Variants in NDUFS1 observed in about 807,000 individuals in gnomAD.
NDUFS1 encodes NADH:ubiquinone oxidoreductase core subunit S1.
In NDUFS1, 61 loss-of-function variants were observed where a neutral mutation model predicts 84.4. The observed-to-expected ratio is 0.72, with a 90% CI of 0.59 to 0.89. The LOEUF is 0.89. Ranked by LOEUF, NDUFS1 falls within the 40% of genes least tolerant of loss-of-function variation. The pLI, the probability that NDUFS1 is intolerant of heterozygous loss-of-function variation, is 0.00. For synonymous variants in NDUFS1, 275 were observed against 290.0 expected, an observed-to-expected ratio of 0.95 and a Z score of 0.53; for missense variants, 891 against 890.0, an observed-to-expected ratio of 1.00 and a Z score of -0.01.
rs1396152437 is a variant in NDUFS1 at position 206,117,165 on chromosome 2, G to C, written c.*7020C>G. The C allele has an allele frequency of 6.6e-6, 1 of 152,274 alleles. No homozygotes were observed. Among genetic ancestry groups the C allele is most frequent in the Non-Finnish European group, 1.5e-5 (1 of 68,102 alleles). 9.4% of individuals were successfully genotyped at this position (152,274 alleles called of 1,614,324 possible). ...ACTGTGATCATGCCACTGAACCCCA[G>C]CCTGGGTGACAGAGTTGCCTCAATC... On this transcript the variant is annotated 3_prime_UTR_variant, in exon 19 of 19. Transcript: ENST00000233190.
intron 2 of NDUFS1, among the ~76,000 whole-genome samples, chr2:206,153,135 A>T (rs950663218): frequency 1.3e-5 from 2 of 151,778 alleles, no homozygotes; most frequent in Non-Finnish European, 2.9e-5. Flanking sequence ...GATAATTCCT[A>T]TAAACTGTTT....
Position 206,115,813 on chromosome 2 carries a change from T to C in NDUFS1, c.*8372A>G. 2.4e-6 allele frequency: 1 copy of C among 418,114 alleles called. No individual in the cohort carries two copies. Among genetic ancestry groups the C allele is most frequent in the Non-Finnish European group, 4.5e-6 (1 of 223,056 alleles). The allele number at this position is 418,114 out of a possible 1,614,324, so 25.9% of individuals were successfully genotyped here. The stretch of plus-strand genomic sequence containing the variant: ...AGGCTTAAGAATAACAACATTATCT[T>C]TGAATTATGTAATTTTTGTAACTAA... On this transcript the variant is annotated 3_prime_UTR_variant, in exon 19 of 19. Coordinates refer to ENST00000233190, the MANE Select transcript of NDUFS1 (RefSeq NM_005006.7).
chr2:206,122,884 A>AC lies in NDUFS1; in HGVS notation c.*1300dup, dbSNP rs1691143969. The AC allele has an allele frequency of 6.6e-6, 1 of 151,906 alleles. No homozygotes were observed. The highest frequency in any genetic ancestry group is 2.1e-4 in the South Asian group (1 of 4,816). 9.4% of individuals were successfully genotyped at this position (151,906 alleles called of 1,614,324 possible). A position where few individuals can be genotyped will look rare whatever the true frequency, so the allele number is the denominator to read the frequency against. On this transcript the variant is annotated 3_prime_UTR_variant, in exon 19 of 19. Transcript: ENST00000233190. Reference sequence around the variant, plus strand: ...CGAGTAGCTGGGACTATAGGTGTACACCACCACACCCAGCTAATTTTTGTA... The same window carrying AC: ...CGAGTAGCTGGGACTATAGGTGTACACCCACCACACCCAGCTAATTTTTGTA...
chr2:206,143,920 A>G, intron 10 of NDUFS1, 98 bp downstream of exon 10: 1 of 985,420 alleles, frequency 1.0e-6, no homozygotes, highest in Non-Finnish European at 1.6e-6. Flanking sequence ...ATCTTGGTAA[A>G]AGTAAAAAAG....
intron 13 of NDUFS1, among the ~76,000 whole-genome samples, chr2:206,135,711 G>A (rs983279286): frequency 2.6e-5 from 4 of 151,808 alleles, no homozygotes; most frequent in African/African-American, 4.8e-5. Flanking sequence ...AAAAGGAAAC[G>A]TTCTCTCAAA....
At chr2:206,142,286 C>T (rs534354072) in intron 11 of NDUFS1, among the ~76,000 whole-genome samples, 1 of 152,296 alleles carries the variant, frequency 6.6e-6, no homozygotes, top group South Asian at 2.1e-4. Flanking sequence ...GATCCTGGCT[C>T]ACTGCAACCT....
At chr2:206,149,495 G>A (rs1431494635) in intron 4 of NDUFS1, among the ~76,000 whole-genome samples, 2 of 152,152 alleles carry the variant, frequency 1.3e-5, no homozygotes, top group Non-Finnish European at 2.9e-5. Context: ...AAATGGCAGG[G>A]CGTCAGCACT....
Position 206,152,363 on chromosome 2 carries a change from T to C in NDUFS1, c.153+56A>G, listed in dbSNP as rs1481825689. The stretch of plus-strand genomic sequence containing the variant: ...AATAATCAGTATAAAGGAAATAAAT[T>C]AGTATTTTTAAAAAAATCAGAACAC... On this transcript the variant is annotated intron_variant, in intron 3 of 18. Transcript: ENST00000233190. The C allele has an allele frequency of 5.5e-6, 7 of 1,275,778 alleles. No individual in the cohort carries two copies. In the African/African-American group the frequency reaches 5.9e-5, roughly 11 times the overall value. The allele number at this position is 1,275,778 out of a possible 1,614,324, so 79.0% of individuals were successfully genotyped here. A position where few individuals can be genotyped will look rare whatever the true frequency, so the allele number is the denominator to read the frequency against.
In NDUFS1 at chr2:206,121,928, A is replaced by C. The variant is rs532559028; in HGVS notation, c.*2257T>G. On this transcript the variant is annotated 3_prime_UTR_variant, in exon 19 of 19. Coordinates refer to ENST00000233190, the MANE Select transcript of NDUFS1 (RefSeq NM_005006.7). ...ATTAACAGTATTATATAAAATACAA[A>C]ATTGGGACTATGTCCCCTCAAGATG... The C allele has an allele frequency of 6.6e-6, 1 of 152,286 alleles. No homozygotes were observed. Among genetic ancestry groups the C allele is most frequent in the South Asian group, 2.1e-4 (1 of 4,828 alleles). The allele number at this position is 152,286 out of a possible 1,614,324, so 9.4% of individuals were successfully genotyped here. A position where few individuals can be genotyped will look rare whatever the true frequency, so the allele number is the denominator to read the frequency against.
chr2:206,141,340 C>A (rs1181539166), intron 12 of NDUFS1, among the ~76,000 whole-genome samples: 1 of 150,294 alleles, frequency 6.7e-6, no homozygotes, highest in East Asian at 2.0e-4. Flanking sequence ...GTCAGGAGAT[C>A]GAGACCACGG....
At position 206,146,942 on chromosome 2, in the gene NDUFS1, G is replaced by C. The variant is rs1305009482; in HGVS notation, c.698C>G (p.Ser233Cys). ...CCGGGCAGTAAAGGCATAGGGCTTA[G>C]AGGTTAGGGCACCTACAGGGCAGAT... The part of the protein sequence containing the change: ...IDICPVGALT[S>C]KPYAFTARPW... The change falls in exon 8 of 19, where the codon TCT becomes TGT. Residue 233 changes from serine (S) to cysteine (C), a missense_variant. Physicochemically the swap from Ser to Cys is moderately radical, Grantham distance 112. Coordinates refer to ENST00000233190, the MANE Select transcript of NDUFS1 (RefSeq NM_005006.7). The C allele has an allele frequency of 6.2e-7, 1 of 1,614,138 alleles. No homozygotes were observed. Among genetic ancestry groups the C allele is most frequent in the Non-Finnish European group, 8.5e-7 (1 of 1,180,002 alleles).
At chr2:206,139,871 T>TAAAAAAA (rs35564839) in intron 12 of NDUFS1, among the ~76,000 whole-genome samples, 1 of 103,582 alleles carries the variant, frequency 9.7e-6, no homozygotes, top group Admixed American at 1.1e-4. Context: ...CTTGTGTTCT[T>TAAAAAAA]AAAAAAAAAA....
Position 206,145,017 on chromosome 2 carries a change from T to C in NDUFS1, c.747A>G (p.Glu249=). The C allele has an allele frequency of 4.3e-6, 7 of 1,613,832 alleles. No individual in the cohort carries two copies. The highest frequency in any genetic ancestry group is 5.9e-6 in the Non-Finnish European group (7 of 1,179,876). ...CAACCGCATCCATTACATCAATGGATTCTGTCTTTCTGAGAAACACATACG... is the reference window on the plus strand; with the variant it reads ...CAACCGCATCCATTACATCAATGGACTCTGTCTTTCTGAGAAACACATACG... ...TARPWETRKT[E]SIDVMDAVGS... The change falls in exon 9 of 19, where the codon GAA becomes GAG. Residue 249 remains glutamate, a synonymous_variant. Coordinates refer to ENST00000233190, the MANE Select transcript of NDUFS1 (RefSeq NM_005006.7).
At chr2:206,149,674 A>C (rs1692293071) in intron 4 of NDUFS1, 144 bp downstream of exon 4, 2 of 672,154 alleles carry the variant, frequency 3.0e-6, no homozygotes, top group Non-Finnish European at 5.4e-6. Flanking sequence ...GAAGAGAATC[A>C]ATTGTACAAA....
In NDUFS1 at chr2:206,118,887, A is replaced by T. The variant is rs1254401514; in HGVS notation, c.*5298T>A. ...TGGATCACCTGAGGTCAGGAGTTTG[A>T]GACCATCCTGCCCAACATGGTGAAA... On this transcript the variant is annotated 3_prime_UTR_variant, in exon 19 of 19. Coordinates refer to ENST00000233190, the MANE Select transcript of NDUFS1 (RefSeq NM_005006.7). The T allele has an allele frequency of 2.0e-5, 3 of 152,236 alleles. No homozygotes were observed. The highest frequency in any genetic ancestry group is 2.9e-5 in the Non-Finnish European group (2 of 68,070). 9.4% of individuals were successfully genotyped at this position (152,236 alleles called of 1,614,324 possible).
Position 206,120,054 on chromosome 2 carries a change from C to G in NDUFS1, c.*4131G>C, listed in dbSNP as rs777847017. On this transcript the variant is annotated 3_prime_UTR_variant, in exon 19 of 19. Transcript: ENST00000233190. ...TAGAGTCTGGGACCTCCTCCTCTCT[C>G]TTGCTCCCTCTCTCACCATGTGATA... 1 of 152,200 alleles carries G rather than the reference C, an allele frequency of 6.6e-6. No homozygotes were observed. Among genetic ancestry groups the G allele is most frequent in the Non-Finnish European group, 1.5e-5 (1 of 68,062 alleles). 9.4% of individuals were successfully genotyped at this position (152,200 alleles called of 1,614,324 possible). A position where few individuals can be genotyped will look rare whatever the true frequency, so the allele number is the denominator to read the frequency against.
intron 18 of NDUFS1, among the ~76,000 whole-genome samples, chr2:206,124,971 T>C (rs893974615): frequency 3.9e-5 from 6 of 152,170 alleles, no homozygotes; most frequent in African/African-American, 1.4e-4. Context: ...GGTACATGAA[T>C]TATATTTCAA....
intron 14 of NDUFS1, among the ~76,000 whole-genome samples, chr2:206,130,598 A>C (rs913861808): frequency 6.6e-6 from 1 of 152,102 alleles, no homozygotes; most frequent in Non-Finnish European, 1.5e-5. Context: ...CAGGTGATCC[A>C]CCTGTCTTGG....
At chr2:206,141,485 T>C (rs944722376) in intron 12 of NDUFS1, among the ~76,000 whole-genome samples, 3 of 150,606 alleles carry the variant, frequency 2.0e-5, no homozygotes, top group African/African-American at 7.4e-5. Flanking sequence ...TGAGCCGAGA[T>C]CGCACCACTG....
Sources: allele counts gnomAD v4.1 joint callset (sites outside exome capture counted in the v4.1 genomes callset), GRCh38; gene constraint gnomAD v4.1.1; transcripts MANE v1.5; gene names NCBI Gene and HGNC (gene_info 2026-07-23, HGNC 2026-07-21).